Variants in NXPE4 observed in about 807,000 individuals in gnomAD.
NXPE4 encodes NXPE family member 4.
In NXPE4, 42 loss-of-function variants were observed where a neutral mutation model predicts 33.3. The ratio of observed to expected loss-of-function variants is 1.26; its 90% CI spans 0.98 to 1.63. NXPE4 has a LOEUF of 1.63. Ranked by LOEUF, NXPE4 falls within the 40% of genes most tolerant of loss-of-function variation. The pLI, the probability that NXPE4 is intolerant of heterozygous loss-of-function variation, is 0.00. For synonymous variants in NXPE4, 253 were observed against 234.9 expected (o/e 1.08, Z -0.71); for missense variants, 709 against 647.6 (o/e 1.09, Z -1.03).
At position 114,570,941 on chromosome 11, in the gene NXPE4, A is replaced by G. The variant is rs1342913920; in HGVS notation, c.1632T>C (p.Cys544=). Residue 544 remains cysteine, a synonymous_variant, in exon 6 of 6, where the codon TGT becomes TGC. Transcript: ENST00000375478. ...NQINILLNYI[C] ...GAATTTCAGACTTTTGTGTTATTTA[A>G]CAAATATAGTTTAATAATATATTAA... 2 of 1,567,882 alleles carry G rather than the reference A, an allele frequency of 1.3e-6. No homozygotes were observed. The highest frequency in any genetic ancestry group is 2.3e-5 in the East Asian group (1 of 43,206).
chr11:114,582,249 A>G lies in NXPE4; in HGVS notation c.830+39T>C, dbSNP rs371329608. ...GGATCAGTATATAGGCCAAATCACA[A>G]TATTTGCACAGGTAGTCTCAAGAAG... is the stretch of plus-strand genomic sequence containing the variant. On this transcript the variant is annotated intron_variant, in intron 3 of 5. Coordinates refer to ENST00000375478, the MANE Select transcript of NXPE4 (RefSeq NM_001077639.2). The G allele has an allele frequency of 9.2e-6, 14 of 1,525,446 alleles. No homozygotes were observed. In the African/African-American group the frequency reaches 1.4e-4, roughly 15 times the overall value. 94.5% of individuals were successfully genotyped at this position (1,525,446 alleles called of 1,614,324 possible). A position where few individuals can be genotyped will look rare whatever the true frequency, so the allele number is the denominator to read the frequency against.
At chr11:114,601,884 TTA>T in the NXPE4 span, among the ~76,000 whole-genome samples, 16 of 15,802 alleles carry the variant, frequency 1.0e-3, no homozygotes, top group East Asian at 0.03. Flanking sequence ...TTATATATAA[TTA>T]TATATTATAT....
At chr11:114,636,157 T>A in the NXPE4 span, among the ~76,000 whole-genome samples, 1 of 151,958 alleles carries the variant, frequency 6.6e-6, no homozygotes, top group African/African-American at 2.4e-5. Context: ...TATTGGTCTA[T>A]TCAGAGATTC....
At chr11:114,662,195 G>A in the NXPE4 span, among the ~76,000 whole-genome samples, 1 of 151,796 alleles carries the variant, frequency 6.6e-6, no homozygotes, top group East Asian at 1.9e-4. Context: ...CCCAGCATTG[G>A]TGACATAGTG....
the NXPE4 span, among the ~76,000 whole-genome samples, chr11:114,646,495 C>T: frequency 1.3e-5 from 2 of 152,014 alleles, no homozygotes; most frequent in African/African-American, 4.8e-5. Flanking sequence ...GTTAAGATCA[C>T]TTAACTTTAT....
chr11:114,633,464 T>A, the NXPE4 span, among the ~76,000 whole-genome samples: 5 of 148,592 alleles, frequency 3.4e-5, no homozygotes, highest in Admixed American at 6.9e-5. Context: ...TTCTTTTTTT[T>A]ATTTTAGTAT....
At chr11:114,637,300 G>A in the NXPE4 span, among the ~76,000 whole-genome samples, 1 of 151,268 alleles carries the variant, frequency 6.6e-6, no homozygotes, top group Non-Finnish European at 1.5e-5. Flanking sequence ...GCATTTTTTT[G>A]TTTTCCATTT....
the NXPE4 span, among the ~76,000 whole-genome samples, chr11:114,603,621 C>T: frequency 6.6e-6 from 1 of 151,656 alleles, no homozygotes; most frequent in South Asian, 2.1e-4. Flanking sequence ...ATTGCCTTGT[C>T]TCCTAGGTAA....
At chr11:114,604,320 A>C in the NXPE4 span, among the ~76,000 whole-genome samples, 1 of 150,322 alleles carries the variant, frequency 6.7e-6, no homozygotes, top group Non-Finnish European at 1.5e-5. Flanking sequence ...ACCCTGTGGA[A>C]AATAAGTGTT....
At chr11:114,611,946 C>A in the NXPE4 span, among the ~76,000 whole-genome samples, 2 of 152,052 alleles carry the variant, frequency 1.3e-5, no homozygotes, top group South Asian at 4.1e-4. Flanking sequence ...ACCACTGTTA[C>A]CTGGTAGATA....
At chr11:114,578,113 C>T (rs576752742) in intron 5 of NXPE4, among the ~76,000 whole-genome samples, 35 of 152,198 alleles carry the variant, frequency 2.3e-4, no homozygotes, top group South Asian at 1.7e-3. Flanking sequence ...GGAAAATGTT[C>T]AGAGGAGGAT....
chr11:114,661,813 GA>G, the NXPE4 span, among the ~76,000 whole-genome samples: 1 of 152,328 alleles, frequency 6.6e-6, no homozygotes, highest in East Asian at 1.9e-4. Flanking sequence ...TGGTGTCAGT[GA>G]AAAGATAGAC....
chr11:114,573,672 C>T (rs1440404944), intron 5 of NXPE4, among the ~76,000 whole-genome samples: 1 of 151,936 alleles, frequency 6.6e-6, no homozygotes, highest in South Asian at 2.1e-4. Flanking sequence ...TACCACAATT[C>T]TAAATATATA....
rs970273340 is a variant in NXPE4, at chr11:114,586,730, T to C, written c.97-3709A>G. Among the ~76,000 whole-genome samples, 7 of 152,188 alleles carry C rather than the reference T, an allele frequency of 4.6e-5. No homozygotes were observed. In the East Asian group the frequency reaches 9.6e-4, roughly 21 times the overall value. On this transcript the variant is annotated intron_variant, in intron 2 of 5. Coordinates refer to ENST00000375478, the MANE Select transcript of NXPE4 (RefSeq NM_001077639.2). The stretch of plus-strand genomic sequence containing the variant: ...CTAATTCCAGCCTCCAACAGCCTGA[T>C]GGGTGATGGCAACAGGATCTGCAAG...
intron 5 of NXPE4, among the ~76,000 whole-genome samples, chr11:114,577,096 TA>T (rs1314402539): frequency 7.2e-6 from 1 of 139,498 alleles, no homozygotes; most frequent in African/African-American, 2.7e-5. Flanking sequence ...CATATATATA[TA>T]AAGTTATATA....
the NXPE4 span, among the ~76,000 whole-genome samples, chr11:114,602,201 ATAC>A: frequency 9.2e-6 from 1 of 108,454 alleles, no homozygotes; most frequent in African/African-American, 3.7e-5. Flanking sequence ...ATAATATATA[ATAC>A]TATATACAAT....
chr11:114,642,175 G>A, the NXPE4 span, among the ~76,000 whole-genome samples: 1 of 151,974 alleles, frequency 6.6e-6, no homozygotes, highest in Non-Finnish European at 1.5e-5. Flanking sequence ...CCCTTGATAT[G>A]ATGTGATGAA....
At chr11:114,658,680 A>G in the NXPE4 span, among the ~76,000 whole-genome samples, 1 of 152,310 alleles carries the variant, frequency 6.6e-6, no homozygotes, top group African/African-American at 2.4e-5. Flanking sequence ...CTTCTTGAGG[A>G]AGGGCAGAAA....
the NXPE4 span, among the ~76,000 whole-genome samples, chr11:114,639,939 A>C: frequency 9.0e-6 from 1 of 111,198 alleles, no homozygotes; most frequent in African/African-American, 3.7e-5. Context: ...ATTATATTAA[A>C]TATAACATAA....
Sources: gnomAD v4.1 joint callset for allele counts (sites outside exome capture counted in the v4.1 genomes callset) on GRCh38, gnomAD v4.1.1 for gene constraint, MANE v1.5 for transcripts, NCBI Gene and HGNC (gene_info 2026-07-23, HGNC 2026-07-21) for gene names.